Variants in TEX29 observed in about 807,000 individuals in gnomAD.
TEX29 encodes the protein testis expressed 29.
Under a neutral mutation model 18.2 loss-of-function variants are expected in TEX29, and 26 were observed. The ratio of observed to expected loss-of-function variants is 1.43; its 90% confidence interval spans 1.04 to 1.98. TEX29 has a LOEUF of 1.98. TEX29 is among the 30% of genes most tolerant of loss of function. TEX29 has a pLI of 0.00. For missense variants in TEX29, 177 were observed against 194.2 expected (o/e 0.91, Z 0.53); for synonymous variants, 83 against 78.5 (o/e 1.06, Z -0.31).
intron 3 of TEX29, 25 bp downstream of exon 3, chr13:111,328,318 G>A (rs754317206): frequency 1.5e-5 from 23 of 1,563,996 alleles, no homozygotes; most frequent in South Asian, 1.0e-4. Flanking sequence ...CGGCCACCCC[G>A]TGGCGGAAGC....
upstream of TEX29, among the ~76,000 whole-genome samples, chr13:111,318,887 C>A (rs1595681205): frequency 1.3e-5 from 2 of 152,350 alleles, no homozygotes; most frequent in East Asian, 3.9e-4. Flanking sequence ...GGCTTATAAA[C>A]AGCGGACACT....
rs530631789 is a variant in TEX29 at position 111,341,737 on chromosome 13, T to C, written c.240-1019T>C. On this transcript the variant is annotated intron_variant, in intron 4 of 5. Transcript: ENST00000283547. Reference sequence around the variant, plus strand: ...TTGTTGATGAAAATCATAACCCGTGTTTAGTGAGCACCTGTGCTTGTTGAT... The same window carrying C: ...TTGTTGATGAAAATCATAACCCGTGCTTAGTGAGCACCTGTGCTTGTTGAT... Among the ~76,000 whole-genome samples the C allele has an allele frequency of 2.0e-5, 3 of 151,428 alleles. No homozygotes were observed. The East Asian group carries it at 5.9e-4, about 30-fold the overall frequency.
In TEX29 at chr13:111,342,869, C is replaced by A; in HGVS notation, c.353C>A (p.Pro118His). ...ASSSSKLGLKPASPGPPSAGP... is the reference protein window; with the variant it reads ...ASSSSKLGLKHASPGPPSAGP... Reference sequence around the variant, plus strand: ...TCCAGCAGCAAGTTAGGGCTGAAGCCTGCGAGTCCTGGGCCTCCAAGTGCT... The same window carrying A: ...TCCAGCAGCAAGTTAGGGCTGAAGCATGCGAGTCCTGGGCCTCCAAGTGCT... The change falls in exon 5 of 6, where the codon CCT (proline) becomes CAT (histidine). Residue 118 changes from proline to histidine, a missense_variant. By Grantham distance (77) the Pro-to-His change is moderately conservative. Transcript: ENST00000283547. The A allele has an allele frequency of 3.7e-6, 6 of 1,614,190 alleles. No individual in the cohort carries two copies. The highest frequency in any genetic ancestry group is 5.1e-6 in the Non-Finnish European group (6 of 1,180,032).
rs147238221 is a variant in TEX29 at position 111,342,872 on chromosome 13, C to G, written c.356C>G (p.Ala119Gly). 2 of 1,614,056 alleles carry G rather than the reference C, an allele frequency of 1.2e-6. No individual in the cohort carries two copies. The highest frequency in any genetic ancestry group is 1.3e-5 in the African/African-American group (1 of 74,918). Residue 119 changes from alanine to glycine, a missense_variant, in exon 5 of 6, where the codon GCG becomes GGG. Coordinates refer to ENST00000283547, the MANE Select transcript of TEX29 (RefSeq NM_152324.3). ...AGCAGCAAGTTAGGGCTGAAGCCTG[C>G]GAGTCCTGGGCCTCCAAGTGCTGGG... is the stretch of plus-strand genomic sequence containing the variant. Reference protein sequence around the residue: ...SSSSKLGLKPASPGPPSAGPS... With the variant: ...SSSSKLGLKPGSPGPPSAGPS...
At chr13:111,326,251 C>CAGTGT (rs2093672808) in intron 2 of TEX29, among the ~76,000 whole-genome samples, 4 of 42,020 alleles carry the variant, frequency 9.5e-5, no homozygotes, top group South Asian at 8.3e-4. Context: ...GCGGGCAACG[C>CAGTGT]GAGCCTGGCG....
intron 3 of TEX29, among the ~76,000 whole-genome samples, chr13:111,332,121 T>C (rs2093683654): frequency 6.6e-6 from 1 of 152,206 alleles, no homozygotes; most frequent in African/African-American, 2.4e-5. Context: ...GTGTTGAATC[T>C]GTATATAATT....
chr13:111,322,180 C>T (rs1289898543), intron 2 of TEX29, among the ~76,000 whole-genome samples: 1 of 152,234 alleles, frequency 6.6e-6, no homozygotes, highest in Non-Finnish European at 1.5e-5. Context: ...GACTTTGTCA[C>T]ACCAGGGGGG....
At chr13:111,340,121 TTGTTGATGAAAA>T in intron 4 of TEX29, among the ~76,000 whole-genome samples, 189 bp downstream of exon 4, 1 of 152,068 alleles carries the variant, frequency 6.6e-6, no homozygotes, top group Non-Finnish European at 1.5e-5. Flanking sequence ...TCCAGAGTGC[TTGTTGATGAAAA>T]TCATAACCCA....
chr13:111,320,047 C>A (rs1307730076), upstream of TEX29, among the ~76,000 whole-genome samples: 1 of 152,232 alleles, frequency 6.6e-6, no homozygotes, highest in Non-Finnish European at 1.5e-5. Context: ...GGCATCTCGG[C>A]TCCTTGTGTC....
At chr13:111,325,841 A>T (rs535679870) in intron 2 of TEX29, among the ~76,000 whole-genome samples, 1 of 152,212 alleles carries the variant, frequency 6.6e-6, no homozygotes, top group Non-Finnish European at 1.5e-5. Flanking sequence ...AAGAGAACAA[A>T]TCACTTTATG....
At chr13:111,325,761 C>A (rs536379532) in intron 2 of TEX29, among the ~76,000 whole-genome samples, 2 of 152,124 alleles carry the variant, frequency 1.3e-5, no homozygotes, top group Non-Finnish European at 2.9e-5. Flanking sequence ...GACGGCTGGG[C>A]GGTCAGATGC....
intron 3 of TEX29, among the ~76,000 whole-genome samples, chr13:111,329,946 A>T (rs1038883793): frequency 1.3e-5 from 2 of 152,180 alleles, no homozygotes; most frequent in Non-Finnish European, 2.9e-5. Flanking sequence ...AAGTAAGCCC[A>T]TAATTAAATA....
Position 111,342,610 on chromosome 13 carries a change from T to G in TEX29, c.240-146T>G, listed in dbSNP as rs150868434. 3.8e-4 allele frequency: 239 copies of G among 630,816 alleles called. 2 individuals carry two copies. In the East Asian group the frequency reaches 7.0e-3, roughly 19 times the overall value. 39.1% of individuals were successfully genotyped at this position (630,816 alleles called of 1,614,324 possible). A position where few individuals can be genotyped will look rare whatever the true frequency, so the allele number is the denominator to read the frequency against. ...AGAAAGAAACGAAAATGAGAACTAT[T>G]ACATCAAAGCATTTACCTTAAAAAA... is the stretch of plus-strand genomic sequence containing the variant. On this transcript the variant is annotated intron_variant, in intron 4 of 5. Coordinates refer to ENST00000283547, the MANE Select transcript of TEX29 (RefSeq NM_152324.3).
chr13:111,321,727 A>G (rs2093664954), intron 2 of TEX29, among the ~76,000 whole-genome samples: 1 of 152,208 alleles, frequency 6.6e-6, no homozygotes, highest in Non-Finnish European at 1.5e-5. Context: ...GTTCCAGACC[A>G]GCCTGGCCAA....
At chr13:111,330,511 T>G (rs1339138334) in intron 3 of TEX29, among the ~76,000 whole-genome samples, 1 of 152,236 alleles carries the variant, frequency 6.6e-6, no homozygotes, top group East Asian at 1.9e-4. Flanking sequence ...GCCTCTGGGA[T>G]TCCCAGGATC....
At chr13:111,334,866 C>T (rs573723130) in intron 3 of TEX29, among the ~76,000 whole-genome samples, 2 of 152,332 alleles carry the variant, frequency 1.3e-5, no homozygotes, top group African/African-American at 4.8e-5. Flanking sequence ...GGAGGTCCCA[C>T]CCTGTTCTGC....
At chr13:111,327,783 C>G (rs1452615391) in intron 2 of TEX29, among the ~76,000 whole-genome samples, 2 of 152,210 alleles carry the variant, frequency 1.3e-5, no homozygotes, top group African/African-American at 4.8e-5. Context: ...CTGAAATAAT[C>G]CTCAGGCCAT....
chr13:111,344,011 T>C (rs1254479756), intron 5 of TEX29, 72 bp from the exon 6 acceptor site: 1 of 1,326,866 alleles, frequency 7.5e-7, no homozygotes. Flanking sequence ...GGTTCAAAGA[T>C]CCTGATGAAA....
At chr13:111,330,596 C>T (rs1428109928) in intron 3 of TEX29, among the ~76,000 whole-genome samples, 3 of 152,158 alleles carry the variant, frequency 2.0e-5, no homozygotes, top group Non-Finnish European at 4.4e-5. Context: ...GATACTATAC[C>T]ATAAAATTCA....
Sources: gnomAD v4.1 joint callset for allele counts (sites outside exome capture counted in the v4.1 genomes callset) on GRCh38, gnomAD v4.1.1 for gene constraint, MANE v1.5 for transcripts, NCBI Gene and HGNC (gene_info 2026-07-23, HGNC 2026-07-21) for gene names.